The following AIG1 variants were observed in gnomAD, a reference collection of about 807,000 sequenced individuals.
AIG1 encodes the protein androgen-induced gene 1 protein.
Under a neutral mutation model 31.4 loss-of-function variants are expected in AIG1, and 23 were observed. The ratio of observed to expected loss-of-function variants is 0.73; its 90% CI spans 0.53 to 1.04. The LOEUF is 1.04. AIG1 is among the 50% of genes least tolerant of loss of function. The pLI is 0.00. For missense variants in AIG1, 274 were observed against 295.0 expected (o/e 0.93, Z 0.52); for synonymous variants, 100 against 110.5 (o/e 0.90, Z 0.60).
rs146930769 is a variant in AIG1 at position 143,136,855 on chromosome 6, T to C, written c.162T>C (p.Phe54=). Residue 54 remains phenylalanine (F), a synonymous_variant, in exon 2 of 6, where the codon TTT becomes TTC. Coordinates refer to ENST00000357847, the MANE Select transcript of AIG1 (RefSeq NM_016108.4). Reference sequence around the variant, plus strand: ...TACAGGTTATCCAGGCTGTCTTTTTTGGCATCTGTGTGCTGACTGATCTTT... The same window carrying C: ...TACAGGTTATCCAGGCTGTCTTTTTCGGCATCTGTGTGCTGACTGATCTTT... ...FIDLVIQAVF[F]GICVLTDLSS... 3 of 1,456,010 alleles carry C rather than the reference T, an allele frequency of 2.1e-6. No homozygotes were observed. The highest frequency in any genetic ancestry group is 2.5e-5 in the East Asian group (1 of 39,718). 90.2% of individuals were successfully genotyped at this position (1,456,010 alleles called of 1,614,324 possible).
intron 2 of AIG1, among the ~76,000 whole-genome samples, chr6:143,146,620 A>G (rs1784738624): frequency 1.3e-5 from 2 of 152,054 alleles, no homozygotes; most frequent in Non-Finnish European, 2.9e-5. Flanking sequence ...TAGAAAAGGA[A>G]ACTAACTTAT....
downstream of AIG1, among the ~76,000 whole-genome samples, chr6:143,343,844 A>T (rs1262147043): frequency 6.6e-6 from 1 of 152,210 alleles, no homozygotes; most frequent in East Asian, 1.9e-4. Flanking sequence ...ACTAGTACCT[A>T]TTAGTTGTTT....
chr6:143,267,661 G>C (rs1040895156), intron 3 of AIG1, among the ~76,000 whole-genome samples: 3 of 152,288 alleles, frequency 2.0e-5, no homozygotes, highest in Admixed American at 6.5e-5. Flanking sequence ...GTGGCTACCA[G>C]ATATCATAGA....
chr6:143,261,622 T>C (rs1349325620), intron 3 of AIG1, among the ~76,000 whole-genome samples: 2 of 152,176 alleles, frequency 1.3e-5, no homozygotes, highest in Non-Finnish European at 2.9e-5. Context: ...CCCTTACCTT[T>C]CCTCTATGCA....
chr6:143,213,352 G>A (rs985369421), intron 3 of AIG1, among the ~76,000 whole-genome samples: 9 of 152,010 alleles, frequency 5.9e-5, no homozygotes, highest in Non-Finnish European at 1.3e-4. Flanking sequence ...GTGAGAAACA[G>A]GCAAGGAAGC....
chr6:143,099,692 AGAAATAGTGT>A (rs1186516267), intron 1 of AIG1: 1 of 152,200 alleles, frequency 6.6e-6, no homozygotes, highest in Non-Finnish European at 1.5e-5. Context: ...TTATCCAAAT[AGAAATAGTGT>A]GTTTAAGTGG....
At chr6:143,096,593 G>T (rs952042241) in intron 1 of AIG1, among the ~76,000 whole-genome samples, 1 of 152,212 alleles carries the variant, frequency 6.6e-6, no homozygotes, top group Non-Finnish European at 1.5e-5. Flanking sequence ...AAGATGAAGA[G>T]TGTTGTATTA....
chr6:143,283,676 A>C lies in AIG1; in HGVS notation c.400-434A>C, dbSNP rs10080605. Among the ~76,000 whole-genome samples the C allele has an allele frequency of 8.4e-3, 1,280 of 152,354 alleles. 12 individuals carry two copies. Among genetic ancestry groups the C allele is most frequent in the African/African-American group, 0.03 (1,232 of 41,576 alleles). On this transcript the variant is annotated intron_variant, in intron 3 of 5. Transcript: ENST00000357847. ...AGAATTTCTAAACTACCATATCAAA[A>C]ATTCTCATGCTGCAATATTATGATA...
At chr6:143,133,215 C>CT (rs1006803855) in intron 1 of AIG1, among the ~76,000 whole-genome samples, 10 of 151,874 alleles carry the variant, frequency 6.6e-5, no homozygotes, top group South Asian at 4.1e-4. Flanking sequence ...TGTAGATCAG[C>CT]TTTTTTTTGT....
At chr6:143,136,628 G>C (rs765253854) in intron 1 of AIG1, among the ~76,000 whole-genome samples, 10 of 152,168 alleles carry the variant, frequency 6.6e-5, no homozygotes, top group Admixed American at 4.6e-4. Context: ...CGAGGTGAGT[G>C]AAAATGGAAG....
chr6:143,116,049 C>T (rs965977468), intron 1 of AIG1, among the ~76,000 whole-genome samples: 2 of 152,192 alleles, frequency 1.3e-5, no homozygotes, highest in Non-Finnish European at 2.9e-5. Flanking sequence ...TCTTTGTCCT[C>T]GAAGGGCTCA....
chr6:143,216,020 G>A (rs943216356), intron 3 of AIG1, among the ~76,000 whole-genome samples: 1 of 152,090 alleles, frequency 6.6e-6, no homozygotes, highest in Non-Finnish European at 1.5e-5. Context: ...TTCATAGACT[G>A]TAGCCTACTG....
chr6:143,177,564 A>G (rs1249405262), intron 3 of AIG1, among the ~76,000 whole-genome samples: 1 of 152,178 alleles, frequency 6.6e-6, no homozygotes, highest in Non-Finnish European at 1.5e-5. Context: ...TTCAGCTATA[A>G]TCAGCATCAT....
At chr6:143,085,404 C>T (rs972206516) in intron 1 of AIG1, among the ~76,000 whole-genome samples, 3 of 152,166 alleles carry the variant, frequency 2.0e-5, no homozygotes, top group Non-Finnish European at 4.4e-5. Context: ...ATGTAGCAGT[C>T]CTGCACCCCT....
chr6:143,116,284 C>A (rs997443586), intron 1 of AIG1, among the ~76,000 whole-genome samples: 2 of 152,058 alleles, frequency 1.3e-5, no homozygotes, highest in Admixed American at 1.3e-4. Flanking sequence ...GGCTTTCAGT[C>A]AGAAGACCTT....
intron 1 of AIG1, among the ~76,000 whole-genome samples, chr6:143,078,606 T>A (rs750895755): frequency 6.6e-6 from 1 of 152,128 alleles, no homozygotes; most frequent in African/African-American, 2.4e-5. Context: ...ATGTCTTACA[T>A]GGTGGCAGGA....
chr6:143,076,459 C>G (rs1196558809), intron 1 of AIG1, among the ~76,000 whole-genome samples: 1 of 152,050 alleles, frequency 6.6e-6, no homozygotes, highest in Non-Finnish European at 1.5e-5. Context: ...TTTATAAACA[C>G]ATTTAAAGTG....
intron 3 of AIG1, among the ~76,000 whole-genome samples, chr6:143,184,465 C>T (rs889687547): frequency 6.6e-6 from 1 of 152,240 alleles, no homozygotes; most frequent in Middle Eastern, 3.2e-3. Context: ...ACTGCTTAAG[C>T]TAACCCCTCC....
intron 3 of AIG1, among the ~76,000 whole-genome samples, chr6:143,265,789 C>T (rs958354821): frequency 6.6e-6 from 1 of 152,186 alleles, no homozygotes; most frequent in Non-Finnish European, 1.5e-5. Flanking sequence ...CCTGGTAATG[C>T]CTTCGGTATT....
Sources: allele counts gnomAD v4.1 joint callset (sites outside exome capture counted in the v4.1 genomes callset), GRCh38; gene constraint gnomAD v4.1.1; transcripts MANE v1.5; gene names NCBI Gene and HGNC (gene_info 2026-07-23, HGNC 2026-07-21).